The following OXR1 variants were observed in gnomAD, a reference collection of about 807,000 sequenced individuals.
The protein encoded by OXR1 is oxidation resistance protein 1.
In OXR1, 41 loss-of-function variants were observed where a neutral mutation model predicts 104.6. The observed-to-expected ratio is 0.39, with a 90% confidence interval of 0.31 to 0.51. OXR1 has a LOEUF of 0.51. Ranked by LOEUF, OXR1 falls within the 20% of genes least tolerant of loss-of-function variation. The pLI, the probability that OXR1 is intolerant of heterozygous loss-of-function variation, is 0.77. For synonymous variants in OXR1, 348 were observed against 348.4 expected, an observed-to-expected ratio of 1.00 and a Z score of 0.01; for missense variants, 955 against 1,031.9, an observed-to-expected ratio of 0.93 and a Z score of 1.02.
chr8:106,338,848 C>T lies in OXR1; in HGVS notation c.-138-20628C>T, dbSNP rs138759841. Among the ~76,000 whole-genome samples the T allele has an allele frequency of 6.8e-3, 1,035 of 152,098 alleles. 7 individuals carry two copies. The highest frequency in any genetic ancestry group is 0.022 in the African/African-American group (928 of 41,496). On this transcript the variant is annotated intron_variant, in intron 1 of 16. Coordinates refer to ENST00000517566, the MANE Select transcript of OXR1 (RefSeq NM_001198533.2). Reference sequence around the variant, plus strand: ...TGGTATTTATACCAAGAATTTCTCTCTCTCTCTGTAACTCTCTCACTCACC... The same window carrying T: ...TGGTATTTATACCAAGAATTTCTCTTTCTCTCTGTAACTCTCTCACTCACC...
At chr8:106,414,986 C>T (rs572031713) in intron 2 of OXR1, among the ~76,000 whole-genome samples, 2 of 152,194 alleles carry the variant, frequency 1.3e-5, no homozygotes, top group South Asian at 4.1e-4. Context: ...CGCTGTACTG[C>T]AGAATTAGCA....
intron 1 of OXR1, among the ~76,000 whole-genome samples, chr8:106,324,532 G>C (rs1440843297): frequency 1.4e-5 from 2 of 141,798 alleles, no homozygotes; most frequent in Non-Finnish European, 3.0e-5. Context: ...AGGAAAGGAG[G>C]TTCTATACAA....
In OXR1 at chr8:106,690,440, T is replaced by C. The variant is rs1829164949; in HGVS notation, c.526-2288T>C. Among the ~76,000 whole-genome samples the C allele has an allele frequency of 2.0e-5, 3 of 151,252 alleles. No homozygotes were observed. In the South Asian group the frequency reaches 6.3e-4, roughly 32 times the overall value. The stretch of plus-strand genomic sequence containing the variant: ...GGTCTTATATTCTTAGAACAAAATT[T>C]TATGGTTAGTATCTGAAAAATTAAA... On this transcript the variant is annotated intron_variant, in intron 6 of 16. Coordinates refer to ENST00000517566, the MANE Select transcript of OXR1 (RefSeq NM_001198533.2).
chr8:106,735,448 A>G (rs1174647927), intron 11 of OXR1, among the ~76,000 whole-genome samples: 1 of 152,282 alleles, frequency 6.6e-6, no homozygotes, highest in Admixed American at 6.5e-5. Flanking sequence ...ACTCTCAGCA[A>G]TGCTGATACA....
chr8:106,582,711 C>CCT (rs1213621435), intron 3 of OXR1, among the ~76,000 whole-genome samples: 1 of 152,064 alleles, frequency 6.6e-6, no homozygotes, highest in Non-Finnish European at 1.5e-5. Context: ...TGTTGTTTTT[C>CCT]CTCTTTTTAG....
At chr8:106,653,180 A>G (rs1824765758) in intron 3 of OXR1, among the ~76,000 whole-genome samples, 1 of 151,468 alleles carries the variant, frequency 6.6e-6, no homozygotes, top group Admixed American at 6.6e-5. Context: ...ATTCTACCAA[A>G]CATTTAAAGA....
intron 11 of OXR1, among the ~76,000 whole-genome samples, chr8:106,729,062 G>T (rs990992683): frequency 1.7e-4 from 26 of 152,278 alleles, no homozygotes; most frequent in African/African-American, 5.8e-4. Flanking sequence ...AGTGACTTCA[G>T]CCTGAGATAA....
In OXR1 at chr8:106,650,656, C is replaced by G. The variant is rs142617944; in HGVS notation, c.221-28554C>G. ...TATACACACAGTGAAAATTAAGGCT[C>G]TCTCTCATCACACCCTAAGCCACCC... is the stretch of plus-strand genomic sequence containing the variant. On this transcript the variant is annotated intron_variant, in intron 3 of 16. Transcript: ENST00000517566. 2.6e-4 allele frequency among the ~76,000 whole-genome samples: 40 copies of G among 152,276 alleles called. No homozygotes were observed. In the East Asian group the frequency reaches 6.8e-3, roughly 26 times the overall value.
chr8:106,469,805 A>T (rs1192041297), intron 2 of OXR1, among the ~76,000 whole-genome samples: 1 of 151,842 alleles, frequency 6.6e-6, no homozygotes, highest in Non-Finnish European at 1.5e-5. Context: ...AGGCATCTGG[A>T]GTGACAAGGG....
At chr8:106,683,478 G>GTTTCTT (rs1828382534) in intron 5 of OXR1, among the ~76,000 whole-genome samples, 172 bp downstream of exon 5, 1 of 151,876 alleles carries the variant, frequency 6.6e-6, no homozygotes, top group South Asian at 2.1e-4. Context: ...GTCTGTATTA[G>GTTTCTT]TTTCTTTTTT....
At chr8:106,422,723 T>C (rs1586628144) in intron 2 of OXR1, among the ~76,000 whole-genome samples, 1 of 152,312 alleles carries the variant, frequency 6.6e-6, no homozygotes, top group South Asian at 2.1e-4. Context: ...GTATTTTAAT[T>C]ACCCCATATT....
chr8:106,411,217 C>T (rs186571053), intron 2 of OXR1, among the ~76,000 whole-genome samples: 10 of 152,244 alleles, frequency 6.6e-5, no homozygotes, highest in Non-Finnish European at 1.3e-4. Flanking sequence ...TGGGCAAACT[C>T]TCTAGTTTGG....
intron 2 of OXR1, among the ~76,000 whole-genome samples, chr8:106,485,400 C>T (rs1810581309): frequency 1.3e-5 from 2 of 152,034 alleles, no homozygotes. Flanking sequence ...TGTTCAGCCT[C>T]TTTAGTAGAA....
At chr8:106,335,107 T>A (rs1368411814) in intron 1 of OXR1, among the ~76,000 whole-genome samples, 2 of 124,844 alleles carry the variant, frequency 1.6e-5, no homozygotes, top group African/African-American at 6.5e-5. Context: ...AACATGCCAT[T>A]CTCTCTCTCT....
At chr8:106,567,642 A>C (rs1817177630) in intron 3 of OXR1, among the ~76,000 whole-genome samples, 1 of 152,192 alleles carries the variant, frequency 6.6e-6, no homozygotes, top group Non-Finnish European at 1.5e-5. Context: ...TGTGTGTCAA[A>C]ATAGTAAATA....
At chr8:106,303,848 A>G (rs2130101782) in intron 1 of OXR1, among the ~76,000 whole-genome samples, 1 of 152,330 alleles carries the variant, frequency 6.6e-6, no homozygotes, top group African/African-American at 2.4e-5. Context: ...TTTAATAAGT[A>G]TCATATGTAT....
chr8:106,525,359 G>C (rs576728447), intron 3 of OXR1, among the ~76,000 whole-genome samples: 1 of 152,148 alleles, frequency 6.6e-6, no homozygotes, highest in Non-Finnish European at 1.5e-5. Flanking sequence ...TCCCCAAATA[G>C]CCTAGATAGG....
At chr8:106,727,235 CAT>C (rs978802868) in intron 11 of OXR1, among the ~76,000 whole-genome samples, 1 of 133,156 alleles carries the variant, frequency 7.5e-6, no homozygotes, top group African/African-American at 3.5e-5. Flanking sequence ...GCTATTCATA[CAT>C]TTTTTTTATT....
At chr8:106,686,090 A>C (rs749081827) in intron 6 of OXR1, among the ~76,000 whole-genome samples, 4 of 152,162 alleles carry the variant, frequency 2.6e-5, no homozygotes, top group Non-Finnish European at 4.4e-5. Flanking sequence ...ATGCAAAGGC[A>C]TAAGAATGAT....
Sources: allele counts gnomAD v4.1 joint callset (sites outside exome capture counted in the v4.1 genomes callset), GRCh38; gene constraint gnomAD v4.1.1; transcripts MANE v1.5; gene names NCBI Gene and HGNC (gene_info 2026-07-23, HGNC 2026-07-21).